Variants in CACNA1A observed in about 807,000 individuals in gnomAD.
CACNA1A encodes voltage-dependent P/Q-type calcium channel subunit alpha-1A.
Under a neutral mutation model 262.4 loss-of-function variants are expected in CACNA1A, and 57 were observed. That is an observed-to-expected ratio of 0.22 (90% confidence interval 0.18 to 0.27). The LOEUF (loss-of-function observed/expected upper bound fraction) is 0.27, where lower values mean the gene tolerates loss of function less well. Ranked by LOEUF, CACNA1A falls within the 10% of genes least tolerant of loss-of-function variation. CACNA1A has a pLI of 1.00. For missense variants in CACNA1A, 2,526 were observed against 3,562.8 expected (o/e 0.71, Z 7.41); for synonymous variants, 1,431 against 1,419.3 (o/e 1.01, Z -0.18).
At chr19:13,473,830 C>T (rs910814093) in intron 1 of CACNA1A, among the ~76,000 whole-genome samples, 3 of 151,498 alleles carry the variant, frequency 2.0e-5, no homozygotes, top group East Asian at 2.0e-4. Flanking sequence ...TACATCTCAG[C>T]GGCAGTCCTT....
rs182393888 is a variant in CACNA1A, at chr19:13,333,461, G to A, written c.1199-536C>T. Among the ~76,000 whole-genome samples the A allele has an allele frequency of 8.6e-5, 13 of 151,356 alleles. No homozygotes were observed. The East Asian group carries it at 2.5e-3, about 29-fold the overall frequency. Reference sequence around the variant, plus strand: ...CTCTTTTTTTTTTCTCTGACACAGAGTCTCACTCTGTTGCCCAGGCTGGAG... The same window carrying A: ...CTCTTTTTTTTTTCTCTGACACAGAATCTCACTCTGTTGCCCAGGCTGGAG... On this transcript the variant is annotated intron_variant, in intron 8 of 46. Coordinates refer to ENST00000360228, the MANE Select transcript of CACNA1A (RefSeq NM_001127222.2).
chr19:13,317,215 T>C lies in CACNA1A; in HGVS notation c.1452A>G (p.Lys484=), dbSNP rs1239343484. The C allele has an allele frequency of 1.9e-6, 3 of 1,613,628 alleles. No individual in the cohort carries two copies. Among genetic ancestry groups the C allele is most frequent in the Non-Finnish European group, 2.5e-6 (3 of 1,179,770 alleles). Residue 484 remains lysine, a synonymous_variant, in exon 11 of 47, where the codon AAA becomes AAG. Transcript: ENST00000360228. ...RMRFYIRRMV[K]TQAFYWTVLS... is the part of the protein sequence containing the mutation. Reference sequence around the variant, plus strand: ...GTACAGTCCAGTAGAAGGCCTGAGTTTTGACCATGCGGCGGATGTAGAAAC... The same window carrying C: ...GTACAGTCCAGTAGAAGGCCTGAGTCTTGACCATGCGGCGGATGTAGAAAC...
rs975414593 is a variant in CACNA1A at position 13,308,089 on chromosome 19, C to A, written c.1913+31G>T. On this transcript the variant is annotated intron_variant, in intron 14 of 46. Coordinates refer to ENST00000360228, the MANE Select transcript of CACNA1A (RefSeq NM_001127222.2). This position sits in a 1 kb window ranked among gnomAD's most constrained non-coding sequence, Gnocchi z 4.2. ...GTTCCCTGAGCCTGACCCCAGGGAACCAGGAGTTGGAATTCCTGTGAAGGA... is the reference window on the plus strand; with the variant it reads ...GTTCCCTGAGCCTGACCCCAGGGAAACAGGAGTTGGAATTCCTGTGAAGGA... 1.2e-6 allele frequency: 2 copies of A among 1,612,384 alleles called. No individual in the cohort carries two copies. The highest frequency in any genetic ancestry group is 1.7e-6 in the Non-Finnish European group (2 of 1,179,098).
chr19:13,311,705 C>T lies in CACNA1A; in HGVS notation c.1668+964G>A, dbSNP rs145181817. ...ACAAAAAATTAGCCAGGTATGATGG[C>T]GGGCACCTGTAGTCCCAGCTACTCG... On this transcript the variant is annotated intron_variant, in intron 12 of 46. Transcript: ENST00000360228. Among the ~76,000 whole-genome samples, 224 of 152,082 alleles carry T rather than the reference C, an allele frequency of 1.5e-3. 1 individual carries two copies. In the East Asian group the frequency reaches 0.028, roughly 19 times the overall value.
rs572832442 is a variant in CACNA1A, at chr19:13,283,303, G to A, written c.3786C>T (p.Ala1262=). The change falls in exon 22 of 47, where the codon GCC becomes GCT. Residue 1262 remains alanine, a synonymous_variant. Coordinates refer to ENST00000360228, the MANE Select transcript of CACNA1A (RefSeq NM_001127222.2). The part of the protein sequence containing the change: ...VIAMSSIALA[A]EDPVQPNAPR... ...GTGCGTTGGGCTGCACAGGGTCCTC[G>A]GCGGCCAGGGCGATGCTGCTCATGG... 15 of 1,613,980 alleles carry A rather than the reference G, an allele frequency of 9.3e-6. No individual in the cohort carries two copies. The highest frequency in any genetic ancestry group is 3.3e-5 in the Admixed American group (2 of 60,012).
intron 3 of CACNA1A, among the ~76,000 whole-genome samples, chr19:13,414,477 G>C (rs1290839475): frequency 6.6e-6 from 1 of 152,128 alleles, no homozygotes; most frequent in Non-Finnish European, 1.5e-5. Context: ...AAAGCAATAA[G>C]GGTTTAAAAA....
chr19:13,414,694 A>G lies in CACNA1A; in HGVS notation c.539+38182T>C, dbSNP rs74871016. 8.9e-3 allele frequency among the ~76,000 whole-genome samples: 1,348 copies of G among 151,908 alleles called. 22 individuals are homozygous for G. The highest frequency in any genetic ancestry group is 0.03 in the African/African-American group (1,249 of 41,416). On this transcript the variant is annotated intron_variant, in intron 3 of 46. Coordinates refer to ENST00000360228, the MANE Select transcript of CACNA1A (RefSeq NM_001127222.2). Reference sequence around the variant, plus strand: ...GAAGCTCTGCCGGGTGTGGTGGCTCATGTCTGTAGTCCCAGCACTTTGAGA... The same window carrying G: ...GAAGCTCTGCCGGGTGTGGTGGCTCGTGTCTGTAGTCCCAGCACTTTGAGA...
chr19:13,317,046 G>T (rs2058141652), intron 11 of CACNA1A, 66 bp downstream of exon 11: 2 of 1,019,206 alleles, frequency 2.0e-6, no homozygotes, highest in Non-Finnish European at 3.0e-6. Flanking sequence ...CAGAGAAAGA[G>T]AAGTGGAAAA....
chr19:13,437,691 C>CAAAAAA (rs35266881), intron 3 of CACNA1A, among the ~76,000 whole-genome samples: 9 of 64,908 alleles, frequency 1.4e-4, no homozygotes, highest in Admixed American at 3.8e-4. Flanking sequence ...AACCCCATCT[C>CAAAAAA]AAAAAAAAAA....
At chr19:13,462,578 A>G (rs903312443) in intron 1 of CACNA1A, among the ~76,000 whole-genome samples, 2 of 152,222 alleles carry the variant, frequency 1.3e-5, no homozygotes, top group African/African-American at 4.8e-5. Context: ...ATACCGTGGT[A>G]AGCACTTTGT....
intron 3 of CACNA1A, among the ~76,000 whole-genome samples, chr19:13,388,691 A>T (rs145718867): frequency 6.6e-6 from 1 of 152,246 alleles, no homozygotes; most frequent in East Asian, 1.9e-4. Context: ...TCATTCATGC[A>T]TTAATTCCCC....
intron 19 of CACNA1A, among the ~76,000 whole-genome samples, chr19:13,291,024 A>G (rs4926259): frequency 0.12 from 18,810 of 152,172 alleles, 1,563 homozygotes; most frequent in East Asian, 0.29. Flanking sequence ...GCAGAGGCCT[A>G]ATATCAATTT....
chr19:13,453,444 C>T (rs901116647), intron 2 of CACNA1A, among the ~76,000 whole-genome samples: 3 of 152,206 alleles, frequency 2.0e-5, no homozygotes, highest in African/African-American at 7.2e-5. Context: ...TCTGTGACTG[C>T]AGAAAGTTCT....
chr19:13,355,702 G>A (rs2058996602), intron 6 of CACNA1A, among the ~76,000 whole-genome samples: 1 of 152,218 alleles, frequency 6.6e-6, no homozygotes, highest in Non-Finnish European at 1.5e-5. Context: ...GAGAGTGACA[G>A]CTGATTGCAG....
intron 3 of CACNA1A, among the ~76,000 whole-genome samples, chr19:13,426,676 A>G (rs1454992827): frequency 1.3e-5 from 2 of 152,216 alleles, no homozygotes; most frequent in African/African-American, 2.4e-5. Flanking sequence ...AGACATAGCT[A>G]AAGAGGCAAC....
At chr19:13,330,174 C>A (rs564369042) in intron 10 of CACNA1A, 70 bp downstream of exon 10, 53 of 1,145,914 alleles carry the variant, frequency 4.6e-5, no homozygotes, top group Admixed American at 1.0e-4. Flanking sequence ...AAGCCCTCTG[C>A]CCCCACCCCA....
rs151061233 is a variant in CACNA1A, at chr19:13,209,553, C to A, written c.6340-55G>T. ...GGTCAGCAGCTAGCACCAAGTGGTCCCGGTCCTTCCTGCCCCATTGTGGCA... is the reference window on the plus strand; with the variant it reads ...GGTCAGCAGCTAGCACCAAGTGGTCACGGTCCTTCCTGCCCCATTGTGGCA... On this transcript the variant is annotated intron_variant, in intron 44 of 46. Transcript: ENST00000360228. 4.4e-3 allele frequency: 5,379 copies of A among 1,227,416 alleles called. 21 individuals carry two copies. The highest frequency in any genetic ancestry group is 4.5e-3 in the Non-Finnish European group (4,326 of 962,354). 76.0% of individuals were successfully genotyped at this position (1,227,416 alleles called of 1,614,324 possible).
intron 3 of CACNA1A, among the ~76,000 whole-genome samples, chr19:13,447,214 A>G (rs2060832436): frequency 6.6e-6 from 1 of 152,218 alleles, no homozygotes; most frequent in Admixed American, 6.5e-5. Flanking sequence ...ATACATATAC[A>G]CAATTTTCTT....
chr19:13,497,560 ATATATATATATAT>A (rs1568709971), intron 1 of CACNA1A, among the ~76,000 whole-genome samples: 4 of 46,920 alleles, frequency 8.5e-5, no homozygotes, highest in African/African-American at 3.6e-4. Context: ...ATATATATAT[ATATATATATATAT>A]ATATATAAAT....
Sources: gnomAD v4.1 joint callset for allele counts (sites outside exome capture counted in the v4.1 genomes callset) on GRCh38, gnomAD v4.1.1 for gene constraint, Gnocchi (gnomAD v3.1) non-coding constraint, MANE v1.5 for transcripts, NCBI Gene and HGNC (gene_info 2026-07-23, HGNC 2026-07-21) for gene names.